Variants in ATP2B1 observed in about 807,000 individuals in gnomAD.
ATP2B1 encodes the protein ATPase plasma membrane Ca2+ transporting 1, also known as plasma membrane calcium-transporting ATPase 1.
A neutral mutation model predicts 124.2 loss-of-function variants in ATP2B1; 14 were observed. The ratio of observed to expected loss-of-function variants is 0.11; its 90% CI spans 0.07 to 0.18. ATP2B1 has a LOEUF of 0.18. Ranked by LOEUF, ATP2B1 falls within the 10% of genes least tolerant of loss-of-function variation. ATP2B1 has a pLI of 1.00. For missense variants in ATP2B1, 763 were observed against 1,466.1 expected (o/e 0.52, Z 7.83); for synonymous variants, 449 against 492.4 (o/e 0.91, Z 1.17).
chr12:89,647,392 T>A (rs183044943), intron 2 of ATP2B1, among the ~76,000 whole-genome samples: 23 of 152,342 alleles, frequency 1.5e-4, no homozygotes, highest in Admixed American at 5.9e-4. Context: ...GTACTGTCTT[T>A]ATATTTGAAA....
chr12:89,635,395 T>C lies in ATP2B1; in HGVS notation c.407-144A>G, dbSNP rs992476129. 2.8e-6 allele frequency: 3 copies of C among 1,055,500 alleles called. No individual in the cohort carries two copies. The Admixed American group carries it at 8.7e-5, about 30-fold the overall frequency. 65.4% of individuals were successfully genotyped at this position (1,055,500 alleles called of 1,614,324 possible). Reference sequence around the variant, plus strand: ...TAAATACTTTATTAAATTCAAAGTATTCCATAAGAACTCTATGTCACTTTC... The same window carrying C: ...TAAATACTTTATTAAATTCAAAGTACTCCATAAGAACTCTATGTCACTTTC... On this transcript the variant is annotated intron_variant, in intron 3 of 20. Transcript: ENST00000428670.
rs61256358 is a variant in ATP2B1, at chr12:89,677,954, T to TTA, written c.-221-21849_-221-21848dup. Reference sequence around the variant, plus strand: ...TCAGGGGGTTGGGGGCATGCAGGAATTATATATATATATATATACACACAC... The same window carrying TTA: ...TCAGGGGGTTGGGGGCATGCAGGAATTATATATATATATATATATACACACAC... On this transcript the variant is annotated intron_variant, in intron 1 of 20. Transcript: ENST00000428670. 4.7e-4 allele frequency among the ~76,000 whole-genome samples: 32 copies of TTA among 68,760 alleles called. 1 individual carries two copies. The highest frequency in any genetic ancestry group is 1.2e-3 in the African/African-American group (19 of 15,730). 45.1% of individuals were successfully genotyped at this position (68,760 alleles called of 152,430 possible). A position where few individuals can be genotyped will look rare whatever the true frequency, so the allele number is the denominator to read the frequency against.
intron 10 of ATP2B1, among the ~76,000 whole-genome samples, chr12:89,621,060 C>A (rs994055435): frequency 1.3e-5 from 2 of 151,996 alleles, no homozygotes; most frequent in Non-Finnish European, 2.9e-5. Context: ...TATGGTGGCA[C>A]AAGTCTAGAA....
intron 2 of ATP2B1, 91 bp downstream of exon 2, chr12:89,655,588 A>G (rs1054259183): frequency 3.2e-5 from 39 of 1,231,400 alleles, no homozygotes; most frequent in Non-Finnish European, 4.2e-5. Context: ...TAATCATACA[A>G]TCGCCAAGAT....
intron 1 of ATP2B1, among the ~76,000 whole-genome samples, chr12:89,672,580 T>C (rs943864979): frequency 6.6e-6 from 1 of 152,224 alleles, no homozygotes; most frequent in Non-Finnish European, 1.5e-5. Flanking sequence ...TCTTGCCTTG[T>C]ACACGTCTCT....
intron 11 of ATP2B1, among the ~76,000 whole-genome samples, chr12:89,618,528 G>C (rs1879401721): frequency 6.6e-6 from 1 of 152,206 alleles, no homozygotes; most frequent in Admixed American, 6.5e-5. Context: ...GGTTGAAACA[G>C]ATTTCTAACC....
At chr12:89,644,900 CTAAAGATAGCTT>C (rs1884208153) in intron 2 of ATP2B1, among the ~76,000 whole-genome samples, 1 of 152,134 alleles carries the variant, frequency 6.6e-6, no homozygotes. Flanking sequence ...AGCCACAGAG[CTAAAGATAGCTT>C]TAAAACGTAT....
intron 9 of ATP2B1, among the ~76,000 whole-genome samples, chr12:89,622,251 T>C (rs1331487815): frequency 6.6e-6 from 1 of 151,796 alleles, no homozygotes; most frequent in African/African-American, 2.4e-5. Flanking sequence ...AAGGAAAAAA[T>C]AGCCTTTAGC....
chr12:89,674,011 G>A (rs1888313758), intron 1 of ATP2B1, among the ~76,000 whole-genome samples: 1 of 152,102 alleles, frequency 6.6e-6, no homozygotes, highest in South Asian at 2.1e-4. Flanking sequence ...GGTGAAGACT[G>A]ACTTTCATGT....
chr12:89,681,026 G>A (rs1291674538), intron 1 of ATP2B1, among the ~76,000 whole-genome samples: 1 of 152,110 alleles, frequency 6.6e-6, no homozygotes, highest in Non-Finnish European at 1.5e-5. Context: ...GCATTCCTAA[G>A]GAATTTATTA....
chr12:89,639,992 CA>C (rs1375393321), intron 3 of ATP2B1, among the ~76,000 whole-genome samples: 1 of 152,228 alleles, frequency 6.6e-6, no homozygotes, highest in Admixed American at 6.5e-5. Context: ...GGAAAACTGA[CA>C]AAAATTCAGC....
In ATP2B1 at chr12:89,644,988, C is replaced by CACA. The variant is rs1376657456; in HGVS notation, c.209-2636_209-2634dup. Among the ~76,000 whole-genome samples the CACA allele has an allele frequency of 2.0e-5, 3 of 152,168 alleles. No individual in the cohort carries two copies. In the East Asian group the frequency reaches 5.8e-4, roughly 29 times the overall value. On this transcript the variant is annotated intron_variant, in intron 2 of 20. Coordinates refer to ENST00000428670, the MANE Select transcript of ATP2B1 (RefSeq NM_001366521.1). ...ATAATTCCTCTAAACTACTAACACA[C>CACA]ACAAAAGCACACACCTAGGACACTA... is the stretch of plus-strand genomic sequence containing the variant.
chr12:89,639,211 A>T (rs942795312), intron 3 of ATP2B1, among the ~76,000 whole-genome samples: 2 of 152,174 alleles, frequency 1.3e-5, no homozygotes, highest in Non-Finnish European at 2.9e-5. Flanking sequence ...TAATGATTTT[A>T]AAAAATGCAA....
intron 1 of ATP2B1, among the ~76,000 whole-genome samples, chr12:89,682,120 C>T (rs1889431077): frequency 6.6e-6 from 1 of 151,992 alleles, no homozygotes; most frequent in South Asian, 2.1e-4. Context: ...TAACAGAAAA[C>T]TCCACCACGA....
chr12:89,632,896 G>C (rs954697597), intron 5 of ATP2B1, among the ~76,000 whole-genome samples: 6 of 152,130 alleles, frequency 3.9e-5, no homozygotes, highest in African/African-American at 1.4e-4. Flanking sequence ...AAGCTTACCA[G>C]TCATCTCTGT....
At chr12:89,659,366 A>G (rs1886391056) in intron 1 of ATP2B1, among the ~76,000 whole-genome samples, 1 of 151,816 alleles carries the variant, frequency 6.6e-6, no homozygotes, top group African/African-American at 2.4e-5. Flanking sequence ...AAACACACAC[A>G]CACACACACA....
chr12:89,592,389 G>A (rs548443536), intron 20 of ATP2B1, among the ~76,000 whole-genome samples: 32 of 151,956 alleles, frequency 2.1e-4, no homozygotes, highest in Non-Finnish European at 3.8e-4. Flanking sequence ...AAAAGATGCG[G>A]TCACCAAATT....
chr12:89,702,766 G>C (rs1892003084), intron 1 of ATP2B1, among the ~76,000 whole-genome samples: 1 of 152,110 alleles, frequency 6.6e-6, no homozygotes, highest in Non-Finnish European at 1.5e-5. Context: ...GGTGACAGTA[G>C]TATTACTACA....
chr12:89,612,124 C>A (rs1878125592), intron 12 of ATP2B1: 1 of 152,088 alleles, frequency 6.6e-6, no homozygotes, highest in South Asian at 2.1e-4. Context: ...TTATAAGGTA[C>A]CCTGCCTTTA....
Sources: gnomAD v4.1 joint callset for allele counts (sites outside exome capture counted in the v4.1 genomes callset) on GRCh38, gnomAD v4.1.1 for gene constraint, MANE v1.5 for transcripts, NCBI Gene and HGNC (gene_info 2026-07-23, HGNC 2026-07-21) for gene names.